Variants in NCKAP5 observed in about 807,000 individuals in gnomAD.
NCKAP5 encodes nck-associated protein 5.
In NCKAP5, 92 loss-of-function variants were observed where a neutral mutation model predicts 167.0. That is an observed-to-expected ratio of 0.55 (90% CI 0.47 to 0.66). NCKAP5 has a LOEUF of 0.66. Ranked by LOEUF, NCKAP5 falls within the 30% of genes least tolerant of loss-of-function variation. The probability of loss-of-function intolerance (pLI) is 0.00; values close to 1 mark genes in which losing one functional copy is unlikely to be tolerated. For missense variants in NCKAP5, 2,378 were observed against 2,315.0 expected (o/e 1.03, Z -0.56); for synonymous variants, 891 against 877.4 (o/e 1.02, Z -0.27).
At chr2:133,195,349 A>T (rs1377194513) in intron 5 of NCKAP5, among the ~76,000 whole-genome samples, 1 of 150,978 alleles carries the variant, frequency 6.6e-6, no homozygotes, top group Non-Finnish European at 1.5e-5. Context: ...CTTTTCCAGG[A>T]TGTCCAGAGA....
At chr2:133,396,464 T>C (rs933123159) in intron 3 of NCKAP5, among the ~76,000 whole-genome samples, 2 of 152,068 alleles carry the variant, frequency 1.3e-5, no homozygotes, top group African/African-American at 2.4e-5. Context: ...ACACCCAACA[T>C]AGAATTCAAG....
At chr2:133,252,974 G>A (rs939791989) in intron 4 of NCKAP5, among the ~76,000 whole-genome samples, 2 of 152,200 alleles carry the variant, frequency 1.3e-5, no homozygotes, top group Admixed American at 1.3e-4. Flanking sequence ...GGCACGTGAG[G>A]TGAAGACTCT....
chr2:132,820,376 C>T lies in NCKAP5; in HGVS notation c.808-23647G>A, dbSNP rs545395669. ...ACCCGAGTAGCTGGGACTACAGGTG[C>T]CCGCCACCACGCCCAGCTAATTTTT... On this transcript the variant is annotated intron_variant, in intron 11 of 19. Transcript: ENST00000409261. 8.6e-5 allele frequency among the ~76,000 whole-genome samples: 13 copies of T among 151,822 alleles called. No individual in the cohort carries two copies. In the East Asian group the frequency reaches 2.5e-3, roughly 30 times the overall value.
chr2:133,624,648 T>C, the NCKAP5 span, among the ~76,000 whole-genome samples: 1 of 152,216 alleles, frequency 6.6e-6, no homozygotes, highest in African/African-American at 2.4e-5. Flanking sequence ...CAATGTCTCA[T>C]GGTGTATATA....
intron 4 of NCKAP5, among the ~76,000 whole-genome samples, chr2:133,276,358 TC>T (rs1479411121): frequency 6.6e-6 from 1 of 152,046 alleles, no homozygotes; most frequent in Non-Finnish European, 1.5e-5. Flanking sequence ...CACCCCTAAC[TC>T]CTATGTTGTT....
At chr2:133,474,113 TATC>T (rs1488745280) in intron 3 of NCKAP5, among the ~76,000 whole-genome samples, 4 of 9,358 alleles carry the variant, frequency 4.3e-4, no homozygotes, top group Admixed American at 1.4e-3. Context: ...GAAAATGTGA[TATC>T]TATCTATCTA....
At chr2:132,842,047 T>C (rs1235614913) in intron 11 of NCKAP5, among the ~76,000 whole-genome samples, 1 of 152,160 alleles carries the variant, frequency 6.6e-6, no homozygotes, top group Non-Finnish European at 1.5e-5. Context: ...ATCTAAATAA[T>C]ATTGGCATTA....
chr2:132,794,479 C>CA (rs1684411233), intron 12 of NCKAP5, among the ~76,000 whole-genome samples: 1 of 150,982 alleles, frequency 6.6e-6, no homozygotes, highest in African/African-American at 2.4e-5. Context: ...CTAAAAAATA[C>CA]AAAAAATTTA....
chr2:133,089,368 T>C (rs59332303), intron 6 of NCKAP5, among the ~76,000 whole-genome samples: 13,532 of 152,238 alleles, frequency 0.089, 897 homozygotes, highest in African/African-American at 0.19. Flanking sequence ...TTCATGTGTC[T>C]CCACTAATTT....
the NCKAP5 span, among the ~76,000 whole-genome samples, chr2:133,624,625 C>G: frequency 3.9e-5 from 6 of 152,132 alleles, no homozygotes; most frequent in Non-Finnish European, 7.3e-5. Context: ...ATAATTATAA[C>G]GTAATTGCTA....
intron 5 of NCKAP5, among the ~76,000 whole-genome samples, chr2:133,141,507 G>A (rs2082997232): frequency 6.6e-6 from 1 of 151,812 alleles, no homozygotes; most frequent in South Asian, 2.1e-4. Context: ...GTATAATTAT[G>A]TGTATTGGAA....
At chr2:132,694,855 C>T (rs896407156) in intron 19 of NCKAP5, among the ~76,000 whole-genome samples, 4 of 152,204 alleles carry the variant, frequency 2.6e-5, no homozygotes, top group African/African-American at 9.7e-5. Flanking sequence ...GCTTAGTCGC[C>T]ACCCTCCAGT....
intron 4 of NCKAP5, among the ~76,000 whole-genome samples, chr2:133,229,520 C>T (rs888782754): frequency 2.0e-5 from 3 of 152,186 alleles, no homozygotes; most frequent in African/African-American, 7.2e-5. Flanking sequence ...TAATGATGAA[C>T]ACTTATAAAG....
Position 132,761,945 on chromosome 2 carries a change from G to C in NCKAP5, c.5128+11871C>G, listed in dbSNP as rs540237257. ...CTCCTGGCCAAGCATCTACAAAAGGGACCCTTGGACTCTGGTGCCTGAGAG... is the reference window on the plus strand; with the variant it reads ...CTCCTGGCCAAGCATCTACAAAAGGCACCCTTGGACTCTGGTGCCTGAGAG... On this transcript the variant is annotated intron_variant, in intron 16 of 19. Transcript: ENST00000409261. Among the ~76,000 whole-genome samples, 10 of 152,272 alleles carry C rather than the reference G, an allele frequency of 6.6e-5. No individual in the cohort carries two copies. In the South Asian group the frequency reaches 1.2e-3, roughly 19 times the overall value.
intron 3 of NCKAP5, among the ~76,000 whole-genome samples, chr2:133,329,492 A>G (rs771775944): frequency 3.3e-5 from 5 of 152,184 alleles, no homozygotes; most frequent in Non-Finnish European, 7.3e-5. Flanking sequence ...GCCAAGTGTT[A>G]TGGAAGAGAA....
At chr2:133,213,514 T>A (rs1005778107) in intron 5 of NCKAP5, among the ~76,000 whole-genome samples, 2 of 151,318 alleles carry the variant, frequency 1.3e-5, no homozygotes, top group African/African-American at 4.9e-5. Context: ...TAAAGCCTCA[T>A]TTTTTTTTCA....
intron 11 of NCKAP5, among the ~76,000 whole-genome samples, chr2:132,845,825 G>A (rs1263867130): frequency 1.3e-5 from 2 of 152,126 alleles, no homozygotes; most frequent in East Asian, 3.8e-4. Flanking sequence ...AAAAAATTGT[G>A]TTGTATTTTG....
chr2:132,727,209 G>C (rs1257990644), intron 18 of NCKAP5, among the ~76,000 whole-genome samples: 1 of 152,200 alleles, frequency 6.6e-6, no homozygotes, highest in Non-Finnish European at 1.5e-5. Flanking sequence ...GGGTCAGCAA[G>C]AGTAACTTTT....
chr2:132,932,316 T>C (rs1173915528), intron 8 of NCKAP5, among the ~76,000 whole-genome samples: 9 of 152,224 alleles, frequency 5.9e-5, no homozygotes, highest in Admixed American at 5.9e-4. Context: ...TTTGTTTTTC[T>C]TTTCTTTTCT....
Sources: gnomAD v4.1 joint callset for allele counts (sites outside exome capture counted in the v4.1 genomes callset) on GRCh38, gnomAD v4.1.1 for gene constraint, MANE v1.5 for transcripts, NCBI Gene and HGNC (gene_info 2026-07-23, HGNC 2026-07-21) for gene names.